SLC4A4: variants seen among roughly 807,000 people sequenced by gnomAD.
SLC4A4 encodes the protein solute carrier family 4 member 4, also known as electrogenic sodium bicarbonate cotransporter 1.
A neutral mutation model predicts 111.5 loss-of-function variants in SLC4A4; 27 were observed. The ratio of observed to expected loss-of-function variants is 0.24; its 90% confidence interval spans 0.18 to 0.33. SLC4A4 has a LOEUF of 0.33. SLC4A4 is among the 10% of genes least tolerant of loss of function. SLC4A4 has a pLI of 1.00. For missense variants in SLC4A4, 909 were observed against 1,315.5 expected (o/e 0.69, Z 4.78); for synonymous variants, 443 against 463.4 (o/e 0.96, Z 0.57).
At chr4:71,464,077 T>C (rs1218975700) in intron 12 of SLC4A4, among the ~76,000 whole-genome samples, 1 of 152,160 alleles carries the variant, frequency 6.6e-6, no homozygotes, top group African/African-American at 2.4e-5. Flanking sequence ...GCATTCAAGC[T>C]TCTACCTTTC....
intron 8 of SLC4A4, 152 bp from the exon 9 acceptor site, chr4:71,447,494 A>G (rs552727609): frequency 1.6e-5 from 11 of 681,930 alleles, no homozygotes; most frequent in Non-Finnish European, 2.4e-5. Flanking sequence ...GAAAGAGTAT[A>G]TTCTGTACTA....
intron 7 of SLC4A4, among the ~76,000 whole-genome samples, chr4:71,429,038 T>C (rs981554883): frequency 6.6e-6 from 1 of 152,096 alleles, no homozygotes; most frequent in Non-Finnish European, 1.5e-5. Context: ...TGCAGAAACA[T>C]GGCAGAGAAA....
At chr4:71,410,147 G>A (rs1721239661) in intron 7 of SLC4A4, among the ~76,000 whole-genome samples, 1 of 152,164 alleles carries the variant, frequency 6.6e-6, no homozygotes, top group East Asian at 1.9e-4. Flanking sequence ...GGAAATGAGG[G>A]GTTGGATCCC....
chr4:71,497,535 C>T lies in SLC4A4; in HGVS notation c.2009C>T (p.Ser670Leu), dbSNP rs753028337. Residue 670 changes from serine (S) to leucine (L), a missense_variant, in exon 16 of 26, where the codon TCG becomes TTG. By Grantham distance (145) the Ser-to-Leu change is moderately radical. Coordinates refer to ENST00000264485, the MANE Select transcript of SLC4A4 (RefSeq NM_001098484.3). Reference sequence around the variant, plus strand: ...ACTACCTTTGACTGGGCATTTTTGTCGAAGAAGGAGTGTTCAAAATACGGA... The same window carrying T: ...ACTACCTTTGACTGGGCATTTTTGTTGAAGAAGGAGTGTTCAAAATACGGA... ...HNTTFDWAFL[S>L]KKECSKYGGN... 9 of 1,613,240 alleles carry T rather than the reference C, an allele frequency of 5.6e-6. No individual in the cohort carries two copies. Among genetic ancestry groups the T allele is most frequent in the African/African-American group, 4.0e-5 (3 of 74,854 alleles).
intron 16 of SLC4A4, among the ~76,000 whole-genome samples, chr4:71,504,306 C>T (rs1731196666): frequency 6.6e-6 from 1 of 152,076 alleles, no homozygotes; most frequent in Non-Finnish European, 1.5e-5. Flanking sequence ...GATTTATTCA[C>T]TTAATTCTTA....
chr4:71,543,201 G>C (rs151092593), intron 18 of SLC4A4, among the ~76,000 whole-genome samples: 6 of 152,234 alleles, frequency 3.9e-5, no homozygotes, highest in Admixed American at 6.5e-5. Context: ...TGGACACCCA[G>C]AGAAATCAGT....
At chr4:71,063,010 T>C (rs1222664680) in intron 1 of SLC4A4, among the ~76,000 whole-genome samples, 1 of 152,144 alleles carries the variant, frequency 6.6e-6, no homozygotes, top group Non-Finnish European at 1.5e-5. Context: ...TTTTATAGTA[T>C]TTTAGAATAA....
In SLC4A4 at chr4:71,529,620, G is replaced by A. The variant is rs78926006; in HGVS notation, c.2167-2442G>A. On this transcript the variant is annotated intron_variant, in intron 16 of 25. Transcript: ENST00000264485. ...GGTGCCTGGTAGTGACTTTGGTCAAGCAAGTCAGTCCTCCACCAGGACCAG... is the reference window on the plus strand; with the variant it reads ...GGTGCCTGGTAGTGACTTTGGTCAAACAAGTCAGTCCTCCACCAGGACCAG... Among the ~76,000 whole-genome samples the A allele has an allele frequency of 1.2e-3, 185 of 152,178 alleles. 1 individual carries two copies. The highest frequency in any genetic ancestry group is 4.2e-3 in the African/African-American group (175 of 41,532).
At chr4:71,440,482 T>C (rs933916168) in intron 7 of SLC4A4, 134 bp from the exon 8 acceptor site, 6 of 899,842 alleles carry the variant, frequency 6.7e-6, no homozygotes, top group Non-Finnish European at 9.2e-6. Context: ...ACATGTTGCA[T>C]GTCAATTTGT....
At chr4:71,270,719 G>A (rs564782644) in intron 3 of SLC4A4, among the ~76,000 whole-genome samples, 1 of 152,296 alleles carries the variant, frequency 6.6e-6, no homozygotes, top group East Asian at 1.9e-4. Context: ...TGTATCCACT[G>A]TCCTTAGTAG....
intron 7 of SLC4A4, among the ~76,000 whole-genome samples, chr4:71,399,803 C>T (rs954974159): frequency 6.6e-6 from 1 of 152,040 alleles, no homozygotes; most frequent in Non-Finnish European, 1.5e-5. Context: ...AATTTCTTTA[C>T]TTACCTCCCA....
At chr4:71,418,289 T>A (rs950106480) in intron 7 of SLC4A4, among the ~76,000 whole-genome samples, 3 of 152,164 alleles carry the variant, frequency 2.0e-5, no homozygotes, top group African/African-American at 7.2e-5. Context: ...AATTAGAAAA[T>A]CAAATTTTTA....
intron 2 of SLC4A4, among the ~76,000 whole-genome samples, chr4:71,092,860 G>T (rs1182012729): frequency 6.6e-6 from 1 of 152,174 alleles, no homozygotes; most frequent in East Asian, 1.9e-4. Context: ...ACTTTGGGAG[G>T]CCGAGGCTGG....
intron 1 of SLC4A4, among the ~76,000 whole-genome samples, chr4:71,075,703 C>T (rs1430336865): frequency 1.3e-5 from 2 of 152,152 alleles, no homozygotes; most frequent in African/African-American, 2.4e-5. Flanking sequence ...GGCGCGGTGG[C>T]TCACGCCTGT....
intron 1 of SLC4A4, among the ~76,000 whole-genome samples, chr4:71,226,516 G>C (rs1376315145): frequency 6.6e-6 from 1 of 152,140 alleles, no homozygotes; most frequent in Non-Finnish European, 1.5e-5. Context: ...TCTGTGTGGA[G>C]AGCTAAGATC....
At chr4:71,237,542 G>T (rs188694382) in intron 2 of SLC4A4, among the ~76,000 whole-genome samples, 1 of 152,064 alleles carries the variant, frequency 6.6e-6, no homozygotes, top group Non-Finnish European at 1.5e-5. Flanking sequence ...TGACCTGACC[G>T]GTGCCATGTG....
chr4:71,322,009 C>T (rs1372774203), intron 3 of SLC4A4, among the ~76,000 whole-genome samples: 1 of 151,868 alleles, frequency 6.6e-6, no homozygotes. Context: ...TAATTTTGGA[C>T]CCTCAACTCA....
intron 3 of SLC4A4, among the ~76,000 whole-genome samples, chr4:71,288,564 A>C (rs1457467884): frequency 4.6e-5 from 7 of 151,754 alleles, no homozygotes; most frequent in African/African-American, 1.7e-4. Context: ...ATGCCTGCCT[A>C]ATTTTTGTGT....
chr4:71,365,684 T>G (rs567737698), intron 6 of SLC4A4, among the ~76,000 whole-genome samples: 2 of 152,324 alleles, frequency 1.3e-5, no homozygotes, highest in South Asian at 4.1e-4. Flanking sequence ...GAATTTAAAG[T>G]AGGCCAGGAT....
Sources: allele counts gnomAD v4.1 joint callset (sites outside exome capture counted in the v4.1 genomes callset), GRCh38; gene constraint gnomAD v4.1.1; transcripts MANE v1.5; gene names NCBI Gene and HGNC (gene_info 2026-07-23, HGNC 2026-07-21).